The following GRIK4 variants were observed in gnomAD, a reference collection of about 807,000 sequenced individuals.
The protein encoded by GRIK4 is glutamate ionotropic receptor kainate type subunit 4.
GRIK4 carries 40 observed loss-of-function variants against 104.9 expected under a neutral mutation model. The observed-to-expected ratio is 0.38, with a 90% CI of 0.30 to 0.50. GRIK4 has a LOEUF of 0.50. Among genes scored for constraint, GRIK4 ranks in the 20% least tolerant of loss-of-function variants. The pLI is 0.93. For missense variants in GRIK4, 1,047 were observed against 1,308.1 expected (o/e 0.80, Z 3.08); for synonymous variants, 485 against 524.9 (o/e 0.92, Z 1.04).
At chr11:120,872,407 A>G (rs977271691) in intron 9 of GRIK4, 11 of 160,894 alleles carry the variant, frequency 6.8e-5, no homozygotes, top group Admixed American at 1.2e-4. Flanking sequence ...CCTCCATCCA[A>G]CCGTGGAGGG....
At chr11:120,844,783 G>A (rs151206992) in intron 8 of GRIK4, among the ~76,000 whole-genome samples, 5 of 152,318 alleles carry the variant, frequency 3.3e-5, no homozygotes, top group Admixed American at 1.3e-4. Context: ...GCAGGACCAT[G>A]TAGGGTGGTT....
At chr11:120,514,988 G>T (rs755001354) in intron 1 of GRIK4, 19 of 456,704 alleles carry the variant, frequency 4.2e-5, no homozygotes, top group African/African-American at 3.6e-4. Context: ...CTTACAGAGG[G>T]TAACGCTTCT....
At chr11:120,656,862 A>G (rs1007276654) in intron 2 of GRIK4, among the ~76,000 whole-genome samples, 2 of 152,132 alleles carry the variant, frequency 1.3e-5, no homozygotes, top group African/African-American at 2.4e-5. Context: ...TCAAAAATAA[A>G]TGTAGTCTCC....
intron 1 of GRIK4, among the ~76,000 whole-genome samples, chr11:120,571,944 A>G (rs1486642981): frequency 5.9e-5 from 9 of 152,202 alleles, no homozygotes; most frequent in African/African-American, 2.2e-4. Flanking sequence ...AAGTCACCGG[A>G]GGCATCCTGT....
At chr11:120,847,782 A>G (rs1482849829) in intron 8 of GRIK4, among the ~76,000 whole-genome samples, 1 of 152,222 alleles carries the variant, frequency 6.6e-6, no homozygotes, top group Non-Finnish European at 1.5e-5. Flanking sequence ...GACCTGAGTT[A>G]GCACCTTTAG....
intron 1 of GRIK4, among the ~76,000 whole-genome samples, chr11:120,515,512 C>T (rs528530559): frequency 2.0e-5 from 3 of 152,220 alleles, no homozygotes; most frequent in Non-Finnish European, 4.4e-5. Context: ...TGAGTGGCCG[C>T]CTTCTGCTCT....
At position 120,673,878 on chromosome 11, in the gene GRIK4, A is replaced by G. The variant is rs186965604; in HGVS notation, c.82+13478A>G. 3.3e-4 allele frequency among the ~76,000 whole-genome samples: 50 copies of G among 152,226 alleles called. 3 individuals are homozygous for G. In the South Asian group the frequency reaches 9.3e-3, roughly 28 times the overall value. ...CTGTTTGCTTTTCCTTAGATTCACAAAATCTGCATGCTGGCAGGGCCCTCA... is the reference window on the plus strand; with the variant it reads ...CTGTTTGCTTTTCCTTAGATTCACAGAATCTGCATGCTGGCAGGGCCCTCA... On this transcript the variant is annotated intron_variant, in intron 3 of 20. Coordinates refer to ENST00000527524, the MANE Select transcript of GRIK4 (RefSeq NM_014619.5).
chr11:120,517,124 G>A (rs1026037645), intron 1 of GRIK4, among the ~76,000 whole-genome samples: 3 of 149,204 alleles, frequency 2.0e-5, no homozygotes, highest in Admixed American at 1.3e-4. Flanking sequence ...GCCTGTCACC[G>A]CCGGGGACCG....
intron 8 of GRIK4, among the ~76,000 whole-genome samples, chr11:120,852,690 C>T (rs914304909): frequency 6.6e-6 from 1 of 152,196 alleles, no homozygotes; most frequent in Non-Finnish European, 1.5e-5. Context: ...AGCCATCTCC[C>T]AGCCTACACA....
intron 3 of GRIK4, among the ~76,000 whole-genome samples, chr11:120,723,868 A>G (rs886583767): frequency 2.6e-5 from 4 of 152,034 alleles, no homozygotes; most frequent in South Asian, 2.1e-4. Context: ...TGTACCTTCT[A>G]TGAGTGTTGA....
intron 3 of GRIK4, among the ~76,000 whole-genome samples, chr11:120,800,409 G>C (rs529105590): frequency 7.9e-5 from 12 of 152,264 alleles, no homozygotes; most frequent in African/African-American, 2.6e-4. Flanking sequence ...CAGCATGACT[G>C]TCTCGGTTTC....
chr11:120,920,602 A>C (rs2852212), intron 13 of GRIK4, among the ~76,000 whole-genome samples: 86,694 of 151,594 alleles, frequency 0.57, 26,265 homozygotes, highest in African/African-American at 0.79. Flanking sequence ...GTTCCAACCT[A>C]CTCTCTTCTT....
At chr11:120,693,672 G>A (rs1272556033) in intron 3 of GRIK4, among the ~76,000 whole-genome samples, 1 of 152,208 alleles carries the variant, frequency 6.6e-6, no homozygotes, top group African/African-American at 2.4e-5. Context: ...CTCTTGTAGA[G>A]CAGATAGAGA....
intron 8 of GRIK4, among the ~76,000 whole-genome samples, chr11:120,858,021 T>TAA (rs1377951237): frequency 1.3e-3 from 194 of 152,336 alleles, no homozygotes; most frequent in Non-Finnish European, 2.0e-3. Flanking sequence ...TTCCCTGGTT[T>TAA]GGGACAATGG....
intron 13 of GRIK4, among the ~76,000 whole-genome samples, chr11:120,931,242 G>A (rs1190230048): frequency 6.6e-6 from 1 of 152,180 alleles, no homozygotes; most frequent in Non-Finnish European, 1.5e-5. Flanking sequence ...AAGCAGTTAT[G>A]TCTTTGACCT....
At chr11:120,631,330 G>A (rs1949330119) in intron 1 of GRIK4, among the ~76,000 whole-genome samples, 2 of 152,214 alleles carry the variant, frequency 1.3e-5, no homozygotes, top group African/African-American at 4.8e-5. Flanking sequence ...CCTAGGGTCT[G>A]GGGTGGGACC....
intron 3 of GRIK4, among the ~76,000 whole-genome samples, chr11:120,720,151 G>A (rs1591833304): frequency 6.6e-6 from 1 of 152,102 alleles, no homozygotes; most frequent in African/African-American, 2.4e-5. Flanking sequence ...TGTGGGGGGA[G>A]GTGGTAAAGA....
At position 120,905,539 on chromosome 11, in the gene GRIK4, G is replaced by GGGGGGGGGGGGA; in HGVS notation, c.1476+46_1476+47insGGGGGGGGGGGA. 2.0e-6 allele frequency: 1 copy of GGGGGGGGGGGGA among 503,046 alleles called. No homozygotes were observed. Among genetic ancestry groups the GGGGGGGGGGGGA allele is most frequent in the Non-Finnish European group, 4.0e-6 (1 of 248,896 alleles). 31.2% of individuals were successfully genotyped at this position (503,046 alleles called of 1,614,324 possible). On this transcript the variant is annotated intron_variant, in intron 13 of 20. Coordinates refer to ENST00000527524, the MANE Select transcript of GRIK4 (RefSeq NM_014619.5). The surrounding 1 kb of genome is among the most constrained non-coding windows in gnomAD (Gnocchi z 5.1). Reference sequence around the variant, plus strand: ...CTGGGCCTGAGGGTGGGCTGGGAGGGATTGGAAGAGCATGAGGTTGTGCTG... The same window carrying GGGGGGGGGGGGA: ...CTGGGCCTGAGGGTGGGCTGGGAGGGGGGGGGGGGGGAATTGGAAGAGCATGAGGTTGTGCTG...
intron 3 of GRIK4, among the ~76,000 whole-genome samples, chr11:120,715,737 C>T (rs1490035960): frequency 2.6e-5 from 4 of 152,208 alleles, no homozygotes; most frequent in Admixed American, 2.6e-4. Flanking sequence ...TCACACCAGG[C>T]CACGTGGGCG....
Sources: gnomAD v4.1 joint callset for allele counts (sites outside exome capture counted in the v4.1 genomes callset) on GRCh38, gnomAD v4.1.1 for gene constraint, Gnocchi (gnomAD v3.1) non-coding constraint, MANE v1.5 for transcripts, NCBI Gene and HGNC (gene_info 2026-07-23, HGNC 2026-07-21) for gene names.